GRK1: variants seen among roughly 807,000 people sequenced by gnomAD.
The protein encoded by GRK1 is G protein-coupled receptor kinase 1.
In GRK1, 28 loss-of-function variants were observed where a neutral mutation model predicts 41.7. That is an observed-to-expected ratio of 0.67 (90% CI 0.50 to 0.92). GRK1 has a LOEUF of 0.92. Ranked by LOEUF, GRK1 falls within the 40% of genes least tolerant of loss-of-function variation. The pLI is 0.00. For synonymous variants in GRK1, 327 were observed against 286.7 expected (o/e 1.14, Z -1.42); for missense variants, 703 against 671.2 (o/e 1.05, Z -0.52).
intron 4 of GRK1, among the ~76,000 whole-genome samples, chr13:113,730,065 A>ACAGTCCCC (rs2049924172): frequency 7.5e-6 from 1 of 133,620 alleles, no homozygotes; most frequent in Admixed American, 7.4e-5. Flanking sequence ...CCATCCCGAC[A>ACAGTCCCC]CAGTCCCCCA....
chr13:113,648,366 G>A, the GRK1 span, among the ~76,000 whole-genome samples: 6 of 152,162 alleles, frequency 3.9e-5, no homozygotes, highest in Middle Eastern at 3.2e-3. Flanking sequence ...CGCGCCAGTC[G>A]CTTGTGCTTG....
intron 3 of GRK1, among the ~76,000 whole-genome samples, chr13:113,672,162 G>A (rs2049861627): frequency 1.3e-5 from 2 of 152,018 alleles, no homozygotes; most frequent in East Asian, 1.9e-4. Context: ...TGCGTGGTGT[G>A]TGCTGTGTGC....
At chr13:113,728,948 C>T (rs2049913862) in intron 4 of GRK1, among the ~76,000 whole-genome samples, 1 of 152,150 alleles carries the variant, frequency 6.6e-6, no homozygotes, top group African/African-American at 2.4e-5. Context: ...GACCCCATGC[C>T]AGCCTGAGCA....
At chr13:113,651,742 C>T in the GRK1 span, 1 of 1,613,078 alleles carries the variant, frequency 6.2e-7, no homozygotes, top group Non-Finnish European at 8.5e-7. Flanking sequence ...AAGGGAAAAG[C>T]TTGAGCGTGG....
In GRK1 at chr13:113,667,346, C is replaced by T; in HGVS notation, c.-41C>T. 6.7e-7 allele frequency: 1 copy of T among 1,490,404 alleles called. No homozygotes were observed. The highest frequency in any genetic ancestry group is 9.0e-7 in the Non-Finnish European group (1 of 1,117,008). The allele number at this position is 1,490,404 out of a possible 1,614,324, so 92.3% of individuals were successfully genotyped here. A position where few individuals can be genotyped will look rare whatever the true frequency, so the allele number is the denominator to read the frequency against. ...GTGAACGCTCCCGGCTTGGCCTCGG[C>T]TGATGGGCCCTCACGCCTGAAGCGG... On this transcript the variant is annotated 5_prime_UTR_variant, in exon 1 of 7. Coordinates refer to ENST00000335678, the MANE Select transcript of GRK1 (RefSeq NM_002929.3). This position sits in a 1 kb window ranked among gnomAD's most constrained non-coding sequence, Gnocchi z 7.5.
In GRK1 at chr13:113,733,835, G is replaced by T. The variant is rs561816075; in HGVS notation, c.1396+750G>T. Among the ~76,000 whole-genome samples the T allele has an allele frequency of 8.9e-5, 12 of 134,752 alleles. No homozygotes were observed. The South Asian group carries it at 2.4e-3, about 27-fold the overall frequency. 88.4% of individuals were successfully genotyped at this position (134,752 alleles called of 152,430 possible). A position where few individuals can be genotyped will look rare whatever the true frequency, so the allele number is the denominator to read the frequency against. On this transcript the variant is annotated intron_variant, in intron 6 of 6. Coordinates refer to ENST00000335678, the MANE Select transcript of GRK1 (RefSeq NM_002929.3). ...CATACGTGTGTGCGTGTGTGTGCACGTGCGTGTGCATGTGTATGTGTGCAT... is the reference window on the plus strand; with the variant it reads ...CATACGTGTGTGCGTGTGTGTGCACTTGCGTGTGCATGTGTATGTGTGCAT...
At position 113,728,485 on chromosome 13, in the gene GRK1, G is replaced by A. The variant is rs143181585; in HGVS notation, c.1070-2734G>A. 2.0e-3 allele frequency among the ~76,000 whole-genome samples: 297 copies of A among 151,944 alleles called. 1 individual carries two copies. Among genetic ancestry groups the A allele is most frequent in the South Asian group, 0.017 (80 of 4,810 alleles). ...CCCATGGTGATGAGGAGTACCCATGGCGATGAGGAGTACCCATGGTGATGA... is the reference window on the plus strand; with the variant it reads ...CCCATGGTGATGAGGAGTACCCATGACGATGAGGAGTACCCATGGTGATGA... On this transcript the variant is annotated intron_variant, in intron 4 of 6. Coordinates refer to ENST00000335678, the MANE Select transcript of GRK1 (RefSeq NM_002929.3).
the GRK1 span, chr13:113,658,122 T>C: frequency 1.2e-6 from 2 of 1,612,816 alleles, no homozygotes; most frequent in Non-Finnish European, 1.7e-6. Context: ...GCCACACGTC[T>C]TCTTCTCCTG....
intron 3 of GRK1, among the ~76,000 whole-genome samples, chr13:113,672,411 ATGTGGTGTGTTCGTGG>A (rs2049863657): frequency 5.4e-5 from 3 of 55,512 alleles, no homozygotes; most frequent in Non-Finnish European, 1.2e-4. Flanking sequence ...GGTATGTGGA[ATGTGGTGTGTTCGTGG>A]TGTGGTGTGT....
the GRK1 span, chr13:113,652,709 G>T: frequency 1.3e-6 from 1 of 765,656 alleles, no homozygotes; most frequent in Non-Finnish European, 2.3e-6. Flanking sequence ...AGAACCACAC[G>T]GGACAGGTGC....
chr13:113,729,632 C>T (rs918055186), intron 4 of GRK1, among the ~76,000 whole-genome samples: 3 of 152,192 alleles, frequency 2.0e-5, no homozygotes, highest in Admixed American at 2.0e-4. Flanking sequence ...GTGCCCAGTG[C>T]CTGGTGTCCG....
intron 1 of GRK1, 40 bp downstream of exon 1, chr13:113,668,125 G>A (rs747021369): frequency 3.8e-6 from 6 of 1,566,266 alleles, no homozygotes; most frequent in Non-Finnish European, 5.2e-6. Flanking sequence ...GGGGTGGCAG[G>A]GTGCAGGGAT....
intron 4 of GRK1, among the ~76,000 whole-genome samples, chr13:113,730,915 C>T (rs2049932205): frequency 6.6e-6 from 1 of 152,236 alleles, no homozygotes; most frequent in South Asian, 2.1e-4. Flanking sequence ...CTCAGTGCAG[C>T]TACAGTCAAC....
At chr13:113,653,221 T>A in the GRK1 span, 1 of 1,341,658 alleles carries the variant, frequency 7.5e-7, no homozygotes, top group East Asian at 2.4e-5. Flanking sequence ...CACCTGCTGC[T>A]TCACACCTCA....
intron 4 of GRK1, among the ~76,000 whole-genome samples, chr13:113,727,668 G>A (rs1347822656): frequency 6.0e-5 from 8 of 133,800 alleles, no homozygotes; most frequent in East Asian, 4.7e-4. Flanking sequence ...GACCCATGGC[G>A]ATGAGGAGTA....
chr13:113,657,584 G>A, the GRK1 span, among the ~76,000 whole-genome samples: 5 of 152,216 alleles, frequency 3.3e-5, no homozygotes, highest in African/African-American at 9.6e-5. Context: ...CCCCACCTCC[G>A]CATCTGGACG....
the GRK1 span, among the ~76,000 whole-genome samples, chr13:113,651,410 T>G: frequency 6.6e-6 from 1 of 152,200 alleles, no homozygotes; most frequent in South Asian, 2.1e-4. Context: ...CCACCAGGCG[T>G]TTTGAAGCGT....
At chr13:113,732,497 C>T (rs1421347450) in intron 5 of GRK1, among the ~76,000 whole-genome samples, 2 of 152,218 alleles carry the variant, frequency 1.3e-5, no homozygotes, top group African/African-American at 4.8e-5. Flanking sequence ...GAAGTGAGAC[C>T]TTGGCAGCAC....
chr13:113,668,122 C>A lies in GRK1; in HGVS notation c.699+37C>A, dbSNP rs758563480. ...GACCCGGCCAGCAGGGATGGGGTGG[C>A]AGGGTGCAGGGATGGGGCGGCAGGG... is the stretch of plus-strand genomic sequence containing the variant. On this transcript the variant is annotated intron_variant, in intron 1 of 6. Coordinates refer to ENST00000335678, the MANE Select transcript of GRK1 (RefSeq NM_002929.3). 4.5e-6 allele frequency: 7 copies of A among 1,567,716 alleles called. No homozygotes were observed. In the South Asian group the frequency reaches 8.2e-5, roughly 18 times the overall value.
Sources: gnomAD v4.1 joint callset for allele counts (sites outside exome capture counted in the v4.1 genomes callset) on GRCh38, gnomAD v4.1.1 for gene constraint, Gnocchi (gnomAD v3.1) non-coding constraint, MANE v1.5 for transcripts, NCBI Gene and HGNC (gene_info 2026-07-23, HGNC 2026-07-21) for gene names.